ZBTB14: variants seen among roughly 807,000 people sequenced by gnomAD.
ZBTB14 encodes zinc finger and BTB domain-containing protein 14.
ZBTB14 carries 8 observed loss-of-function variants against 29.5 expected under a neutral mutation model. The ratio of observed to expected loss-of-function variants is 0.27; its 90% CI spans 0.16 to 0.49. ZBTB14 has a LOEUF of 0.49. Ranked by LOEUF, ZBTB14 falls within the 20% of genes least tolerant of loss-of-function variation. The probability of loss-of-function intolerance (pLI) is 0.99; values close to 1 mark genes in which losing one functional copy is unlikely to be tolerated. For missense variants in ZBTB14, 333 were observed against 563.8 expected, an observed-to-expected ratio of 0.59 and a Z score of 4.15; for synonymous variants, 226 against 207.2, an observed-to-expected ratio of 1.09 and a Z score of -0.78.
rs750188289 is a variant in ZBTB14, at chr18:5,291,799, T to C, written c.409A>G (p.Asn137Asp). 6.2e-7 allele frequency: 1 copy of C among 1,613,884 alleles called. No homozygotes were observed. Among genetic ancestry groups the C allele is most frequent in the Admixed American group, 1.7e-5 (1 of 59,984 alleles). Residue 137 changes from asparagine (N) to aspartate (D), a missense_variant, in exon 4 of 4, where the codon AAT (asparagine) becomes GAT (aspartate). Physicochemically the swap from Asn to Asp is conservative, Grantham distance 23. Transcript: ENST00000651870. The surrounding 1 kb of genome is among the most constrained non-coding windows in gnomAD (Gnocchi z 5.8). Reference protein sequence around the residue: ...KRDVSSPDENNGQSKSKYCLK... With the variant: ...KRDVSSPDENDGQSKSKYCLK... Reference sequence around the variant, plus strand: ...CAATACTTACTTTTGGACTGACCATTGTTTTCATCGGGACTGGACACATCA... The same window carrying C: ...CAATACTTACTTTTGGACTGACCATCGTTTTCATCGGGACTGGACACATCA...
upstream of ZBTB14, among the ~76,000 whole-genome samples, chr18:5,296,532 G>A (rs931750110): frequency 2.0e-5 from 3 of 151,680 alleles, no homozygotes; most frequent in African/African-American, 7.3e-5. Flanking sequence ...TCTCGGAGCG[G>A]GCGCCCCGGC....
chr18:5,292,849 T>C (rs189052562), intron 3 of ZBTB14, among the ~76,000 whole-genome samples: 143 of 152,330 alleles, frequency 9.4e-4, no homozygotes, highest in African/African-American at 3.2e-3. Flanking sequence ...CACAGCACTT[T>C]TGGGCCACTT....
At position 5,291,659 on chromosome 18, in the gene ZBTB14, C is replaced by T. The variant is rs368181021; in HGVS notation, c.549G>A (p.Pro183=). The T allele has an allele frequency of 5.8e-5, 94 of 1,613,936 alleles. No individual in the cohort carries two copies. The highest frequency in any genetic ancestry group is 8.0e-5 in the African/African-American group (6 of 74,882). ...PSDDTVEGTP[P]SQEDGKSPTT... is the part of the protein sequence containing the mutation. ...TGGGCGACTTGCCGTCCTCCTGACT[C>T]GGGGGTGTGCCTTCTACTGTGTCAT... is the stretch of plus-strand genomic sequence containing the variant. Residue 183 remains proline, a synonymous_variant, in exon 4 of 4, where the codon CCG becomes CCA. Coordinates refer to ENST00000651870, the MANE Select transcript of ZBTB14 (RefSeq NM_001243702.2). This position sits in a 1 kb window ranked among gnomAD's most constrained non-coding sequence, Gnocchi z 5.8.
chr18:5,294,714 CCCTT>C (rs2071902917), intron 1 of ZBTB14: 3 of 152,344 alleles, frequency 2.0e-5, no homozygotes. Flanking sequence ...ATAAGGCTGC[CCCTT>C]CCTAATTGCT....
intron 1 of ZBTB14, chr18:5,294,839 C>A (rs906681064): frequency 1.3e-5 from 2 of 152,188 alleles, no homozygotes; most frequent in Non-Finnish European, 2.9e-5. Context: ...CCGGGCAGCC[C>A]GACAATGGCG....
At chr18:5,293,519 G>A in intron 2 of ZBTB14, 192 bp from the exon 3 acceptor site, 1 of 367,286 alleles carries the variant, frequency 2.7e-6, no homozygotes, top group Non-Finnish European at 5.0e-6. Context: ...ACAGATAAGG[G>A]CTGTAGCACT....
intron 1 of ZBTB14, among the ~76,000 whole-genome samples, chr18:5,295,154 G>C (rs1253374338): frequency 6.9e-6 from 1 of 144,622 alleles, no homozygotes; most frequent in South Asian, 2.1e-4. Context: ...GGCGCGACGA[G>C]CGGGAGCGGG....
chr18:5,293,029 AC>A (rs1354685206), intron 3 of ZBTB14, among the ~76,000 whole-genome samples: 2 of 152,242 alleles, frequency 1.3e-5, no homozygotes, highest in Non-Finnish European at 2.9e-5. Flanking sequence ...AAAATTTGGA[AC>A]TGGCATGAAA....
At chr18:5,296,176 A>C (rs914087118), upstream of ZBTB14, 1 of 150,316 alleles carries the variant, frequency 6.7e-6, no homozygotes, top group Non-Finnish European at 1.5e-5. Flanking sequence ...GCCCTTGCCG[A>C]CGCTTTCGTT....
rs1309549571 is a variant in ZBTB14 at position 5,289,711 on chromosome 18, CTGA to C, written c.*1144_*1146del. ...ATCTTTAATATTTGTTAAAAACAGT[CTGA>C]TGTTTGTTGCTGATGGAAGTTATTT... On this transcript the variant is annotated 3_prime_UTR_variant, in exon 4 of 4. Transcript: ENST00000651870. The C allele has an allele frequency of 1.3e-5, 2 of 152,536 alleles. No homozygotes were observed. The highest frequency in any genetic ancestry group is 2.9e-5 in the Non-Finnish European group (2 of 68,026). The allele number at this position is 152,536 out of a possible 1,614,324, so 9.4% of individuals were successfully genotyped here.
upstream of ZBTB14, chr18:5,297,037 T>C (rs1359074661): frequency 6.6e-6 from 1 of 151,758 alleles, no homozygotes; most frequent in Non-Finnish European, 1.5e-5. Context: ...CGGACAGCAA[T>C]GCCGCGCCGC....
chr18:5,295,797 C>G (rs1467167545), upstream of ZBTB14: 2 of 152,118 alleles, frequency 1.3e-5, no homozygotes, highest in Non-Finnish European at 2.9e-5. Context: ...CCTTCCGCAC[C>G]CTGGCCCGCG....
At chr18:5,296,350 G>T (rs1054972048), upstream of ZBTB14, among the ~76,000 whole-genome samples, 18 of 150,074 alleles carry the variant, frequency 1.2e-4, no homozygotes, top group African/African-American at 4.4e-4. Flanking sequence ...GCGGACACCC[G>T]CCCCGCCTCA....
chr18:5,290,846 G>GTCCCTC lies in ZBTB14; in HGVS notation c.*11_*12insGAGGGA. ...TCCACTTTCCAGGCAAAGTGTCCCT[G>GTCCCTC]TCCCACCGCCTCTAGCTACAGGCTA... On this transcript the variant is annotated 3_prime_UTR_variant, in exon 4 of 4. Coordinates refer to ENST00000651870, the MANE Select transcript of ZBTB14 (RefSeq NM_001243702.2). 2 of 1,608,650 alleles carry GTCCCTC rather than the reference G, an allele frequency of 1.2e-6. No homozygotes were observed. Among genetic ancestry groups the GTCCCTC allele is most frequent in the South Asian group, 2.2e-5 (2 of 90,360 alleles).
intron 2 of ZBTB14, 108 bp from the exon 3 acceptor site, chr18:5,293,435 C>T (rs1567908154): frequency 3.1e-6 from 2 of 645,068 alleles, no homozygotes; most frequent in Non-Finnish European, 5.3e-6. Context: ...CTCTTTTGTG[C>T]ATTTTCAGGT....
At position 5,293,331 on chromosome 18, in the gene ZBTB14, C is replaced by T; in HGVS notation, c.-81-4G>A. On this transcript the variant is annotated splice_region_variant and splice_polypyrimidine_tract_variant and intron_variant, in intron 2 of 3. Coordinates refer to ENST00000651870, the MANE Select transcript of ZBTB14 (RefSeq NM_001243702.2). Reference sequence around the variant, plus strand: ...TCTGATCAGGAGCACGCCAGACCTACAGAGGAAAGGATAAACAAGAATGAG... The same window carrying T: ...TCTGATCAGGAGCACGCCAGACCTATAGAGGAAAGGATAAACAAGAATGAG... The T allele has an allele frequency of 7.1e-7, 1 of 1,401,016 alleles. No individual in the cohort carries two copies. The highest frequency in any genetic ancestry group is 9.9e-7 in the Non-Finnish European group (1 of 1,013,754). 86.8% of individuals were successfully genotyped at this position (1,401,016 alleles called of 1,614,324 possible). A position where few individuals can be genotyped will look rare whatever the true frequency, so the allele number is the denominator to read the frequency against.
In ZBTB14 at chr18:5,291,725, A is replaced by G. The variant is rs774878982; in HGVS notation, c.483T>C (p.Asp161=). The stretch of plus-strand genomic sequence containing the variant: ...CCTGATCCCCGATTTCCTCTACATC[A>G]TCATCCTGGGTGTCAGCAGCATCTC... ...PIGDAADTQD[D]DVEEIGDQDD... is the part of the protein sequence containing the mutation. Residue 161 remains aspartate (D), a synonymous_variant, in exon 4 of 4, where the codon GAT becomes GAC. Coordinates refer to ENST00000651870, the MANE Select transcript of ZBTB14 (RefSeq NM_001243702.2). The surrounding 1 kb of genome is among the most constrained non-coding windows in gnomAD (Gnocchi z 5.8). The G allele has an allele frequency of 3.1e-6, 5 of 1,613,946 alleles. No individual in the cohort carries two copies. In the African/African-American group the frequency reaches 5.3e-5, roughly 17 times the overall value.
At chr18:5,295,265 C>T (rs933647504) in intron 1 of ZBTB14, among the ~76,000 whole-genome samples, 8 of 144,924 alleles carry the variant, frequency 5.5e-5, no homozygotes, top group African/African-American at 1.7e-4. Flanking sequence ...CGCGCCGGGC[C>T]CTCCCCCGCC....
chr18:5,294,811 G>T (rs1286028033), intron 1 of ZBTB14: 1 of 152,072 alleles, frequency 6.6e-6, no homozygotes, highest in African/African-American at 2.4e-5. Context: ...ATAAGCAGCT[G>T]CAGCCGCCTC....
Sources: allele counts gnomAD v4.1 joint callset (sites outside exome capture counted in the v4.1 genomes callset), GRCh38; gene constraint gnomAD v4.1.1; non-coding constraint Gnocchi (gnomAD v3.1); transcripts MANE v1.5; gene names NCBI Gene and HGNC (gene_info 2026-07-23, HGNC 2026-07-21).